RASGEF1C: variants seen among roughly 807,000 people sequenced by gnomAD.
The protein encoded by RASGEF1C is RasGEF domain family member 1C.
RASGEF1C carries 27 observed loss-of-function variants against 58.1 expected under a neutral mutation model. That is an observed-to-expected ratio of 0.46 (90% CI 0.34 to 0.64). The LOEUF (loss-of-function observed/expected upper bound fraction) is 0.64. Ranked by LOEUF, RASGEF1C falls within the 30% of genes least tolerant of loss-of-function variation. RASGEF1C has a pLI of 0.01. For missense variants in RASGEF1C, 502 were observed against 605.1 expected (o/e 0.83, Z 1.79); for synonymous variants, 243 against 246.3 (o/e 0.99, Z 0.13).
At chr5:180,200,818 G>A (rs770283633) in intron 1 of RASGEF1C, among the ~76,000 whole-genome samples, 3 of 152,134 alleles carry the variant, frequency 2.0e-5, no homozygotes, top group Non-Finnish European at 2.9e-5. Context: ...TGGTGTGGGC[G>A]AGGAAAGCCA....
intron 1 of RASGEF1C, among the ~76,000 whole-genome samples, chr5:180,162,770 G>A (rs2113302193): frequency 6.6e-6 from 1 of 152,276 alleles, no homozygotes; most frequent in South Asian, 2.1e-4. Flanking sequence ...AAATCCTGCT[G>A]GGATTTTTAT....
At chr5:180,203,723 G>A (rs891547825) in intron 1 of RASGEF1C, among the ~76,000 whole-genome samples, 7 of 152,182 alleles carry the variant, frequency 4.6e-5, no homozygotes, top group Admixed American at 6.5e-5. Context: ...GGCTGGGCGC[G>A]GTGGCTCACG....
At chr5:180,119,586 G>C (rs1561733760) in intron 7 of RASGEF1C, 138 bp from the exon 8 acceptor site, 1 of 669,686 alleles carries the variant, frequency 1.5e-6, no homozygotes, top group Non-Finnish European at 2.6e-6. Context: ...GGGTAAACAG[G>C]GTCTCAGAGT....
At chr5:180,203,768 G>A (rs1309342478) in intron 1 of RASGEF1C, among the ~76,000 whole-genome samples, 2 of 152,216 alleles carry the variant, frequency 1.3e-5, no homozygotes, top group Non-Finnish European at 2.9e-5. Context: ...GCCAAGGTGG[G>A]AGGATCACTT....
rs1403597870 is a variant in RASGEF1C at position 180,129,421 on chromosome 5, A to G, written c.439-811T>C. On this transcript the variant is annotated intron_variant, in intron 4 of 13. Coordinates refer to ENST00000361132, the MANE Select transcript of RASGEF1C (RefSeq NM_175062.4). ...CTCTGCCACAGCTGCCCACTGCCATAGGAGTGCCAGACGACTCCCAACCCC... is the reference window on the plus strand; with the variant it reads ...CTCTGCCACAGCTGCCCACTGCCATGGGAGTGCCAGACGACTCCCAACCCC... Among the ~76,000 whole-genome samples the G allele has an allele frequency of 2.6e-5, 4 of 152,156 alleles. No homozygotes were observed. In the East Asian group the frequency reaches 7.7e-4, roughly 29 times the overall value.
intron 6 of RASGEF1C, among the ~76,000 whole-genome samples, chr5:180,124,582 T>G (rs947988260): frequency 6.6e-6 from 1 of 152,140 alleles, no homozygotes; most frequent in Non-Finnish European, 1.5e-5. Context: ...CCCAGCACTT[T>G]GGGAGGCCGA....
intron 4 of RASGEF1C, among the ~76,000 whole-genome samples, chr5:180,130,838 C>T (rs374342067): frequency 2.0e-5 from 3 of 152,124 alleles, no homozygotes; most frequent in South Asian, 2.1e-4. Context: ...ATATGGGCGG[C>T]GGTCCGTCAT....
chr5:180,157,451 G>T (rs1348781129), intron 1 of RASGEF1C, among the ~76,000 whole-genome samples: 1 of 141,900 alleles, frequency 7.0e-6, no homozygotes, highest in African/African-American at 2.7e-5. Context: ...GAGAAACCCT[G>T]TCTCTACTAA....
chr5:180,127,643 G>A lies in RASGEF1C; in HGVS notation c.680C>T (p.Ala227Val), dbSNP rs1209399483. 2.5e-6 allele frequency: 4 copies of A among 1,613,268 alleles called. No individual in the cohort carries two copies. Among genetic ancestry groups the A allele is most frequent in the Non-Finnish European group, 3.4e-6 (4 of 1,179,784 alleles). The change falls in exon 6 of 14, where the codon GCC becomes GTC. Residue 227 changes from alanine to valine, a missense_variant. Physicochemically the swap from Ala to Val is moderately conservative, Grantham distance 64. Transcript: ENST00000361132. ...GGCCAGAGGGTCCTTGTTCACAAAG[G>A]CCTGGACAAACTCCTCAGGCCCGAT... Reference protein sequence around the residue: ...RHIGPEEFVQAFVNKDPLAST... With the variant: ...RHIGPEEFVQVFVNKDPLAST...
intron 1 of RASGEF1C, among the ~76,000 whole-genome samples, chr5:180,185,402 T>C (rs554546612): frequency 6.6e-6 from 1 of 151,800 alleles, no homozygotes; most frequent in African/African-American, 2.4e-5. Flanking sequence ...CTGGCCAACA[T>C]GGTGAAATCC....
chr5:180,147,187 ATC>A (rs1267024816), intron 1 of RASGEF1C, among the ~76,000 whole-genome samples: 1 of 151,596 alleles, frequency 6.6e-6, no homozygotes, highest in Non-Finnish European at 1.5e-5. Flanking sequence ...AACTTCAGTC[ATC>A]TCTTTTTTTT....
In RASGEF1C at chr5:180,102,103, G is replaced by GT. The variant is rs1012780816; in HGVS notation, c.1343dup (p.Asn448LysfsTer25). 6.2e-7 allele frequency: 1 copy of GT among 1,605,360 alleles called. No homozygotes were observed. The highest frequency in any genetic ancestry group is 1.7e-5 in the Admixed American group (1 of 60,006). On this transcript the variant is annotated frameshift_variant, in exon 13 of 14. Transcript: ENST00000361132. LOFTEE classifies it high-confidence loss of function. ...CTTTCCATCTTTCTTTTTCTGTTTGGTTCTCTGGGCTCTCACTTTCGTAAG... is the reference window on the plus strand; with the variant it reads ...CTTTCCATCTTTCTTTTTCTGTTTGGTTTCTCTGGGCTCTCACTTTCGTAAG...
intron 11 of RASGEF1C, among the ~76,000 whole-genome samples, chr5:180,112,241 A>G (rs1689275314): frequency 6.6e-6 from 1 of 152,192 alleles, no homozygotes; most frequent in African/African-American, 2.4e-5. Flanking sequence ...CCTAAGTCCC[A>G]TCTTGTCCAC....
At chr5:180,105,327 C>T (rs368202072) in intron 12 of RASGEF1C, among the ~76,000 whole-genome samples, 17 of 152,126 alleles carry the variant, frequency 1.1e-4, no homozygotes, top group Middle Eastern at 6.8e-3. Context: ...CTTTGGGAGG[C>T]GGAGGTGGGC....
At position 180,102,084 on chromosome 5, in the gene RASGEF1C, A is replaced by G. The variant is rs1236093977; in HGVS notation, c.1363T>C (p.Trp455Arg). Residue 455 changes from tryptophan (W) to arginine (R), a missense_variant, in exon 13 of 14, where the codon TGG becomes CGG. Coordinates refer to ENST00000361132, the MANE Select transcript of RASGEF1C (RefSeq NM_175062.4). Reference protein sequence around the residue: ...SPENQTEKERWKALRSSILGK... With the variant: ...SPENQTEKERRKALRSSILGK... ...AGGAAGACTCACCTTAGAGCTTTCC[A>G]TCTTTCTTTTTCTGTTTGGTTCTCT... is the stretch of plus-strand genomic sequence containing the variant. The G allele has an allele frequency of 5.0e-6, 8 of 1,599,792 alleles. No individual in the cohort carries two copies. The Admixed American group carries it at 6.7e-5, about 13-fold the overall frequency.
chr5:180,160,908 A>T (rs1766930687), intron 1 of RASGEF1C, among the ~76,000 whole-genome samples: 1 of 152,166 alleles, frequency 6.6e-6, no homozygotes, highest in Non-Finnish European at 1.5e-5. Context: ...TTACAGTATA[A>T]CACAATGTGG....
At chr5:180,145,445 C>T (rs945695110) in intron 1 of RASGEF1C, among the ~76,000 whole-genome samples, 2 of 152,208 alleles carry the variant, frequency 1.3e-5, no homozygotes, top group African/African-American at 2.4e-5. Flanking sequence ...AAATTACCAA[C>T]AGCAATGTAA....
At chr5:180,190,573 G>T (rs1433168097) in intron 1 of RASGEF1C, among the ~76,000 whole-genome samples, 1 of 120,788 alleles carries the variant, frequency 8.3e-6, no homozygotes, top group African/African-American at 2.6e-5. Flanking sequence ...CAACTACTTG[G>T]GGGGCTGTAG....
In RASGEF1C at chr5:180,133,979, G is replaced by A. The variant is rs577582680; in HGVS notation, c.438+2399C>T. ...AGGTATTATCCTGTTTTACCGATAGGGAAACTGGCTCAGAGAGGCAAAGCA... is the reference window on the plus strand; with the variant it reads ...AGGTATTATCCTGTTTTACCGATAGAGAAACTGGCTCAGAGAGGCAAAGCA... On this transcript the variant is annotated intron_variant, in intron 4 of 13. Transcript: ENST00000361132. Among the ~76,000 whole-genome samples, 48 of 152,266 alleles carry A rather than the reference G, an allele frequency of 3.2e-4. No homozygotes were observed. In the South Asian group the frequency reaches 1.0e-2, roughly 32 times the overall value.
Sources: allele counts gnomAD v4.1 joint callset (sites outside exome capture counted in the v4.1 genomes callset), GRCh38; gene constraint gnomAD v4.1.1; transcripts MANE v1.5; gene names NCBI Gene and HGNC (gene_info 2026-07-23, HGNC 2026-07-21).